CD9: variants seen among roughly 807,000 people sequenced by gnomAD.
The protein encoded by CD9 is CD9 molecule.
CD9 carries 10 observed loss-of-function variants against 31.4 expected under a neutral mutation model. The ratio of observed to expected loss-of-function variants is 0.32; its 90% CI spans 0.20 to 0.54. The LOEUF is 0.54. Ranked by LOEUF, CD9 falls within the 20% of genes least tolerant of loss-of-function variation. The pLI, the probability that CD9 is intolerant of heterozygous loss-of-function variation, is 0.94. For missense variants in CD9, 259 were observed against 300.1 expected (o/e 0.86, Z 1.01); for synonymous variants, 113 against 114.1 (o/e 0.99, Z 0.06).
chr12:6,227,486 C>T (rs2136628672), intron 2 of CD9, among the ~76,000 whole-genome samples: 1 of 152,326 alleles, frequency 6.6e-6, no homozygotes, highest in African/African-American at 2.4e-5. Context: ...GCGTGAGCCA[C>T]CTCGCCCGGC....
rs3181293 is a variant in CD9, at chr12:6,232,809, G to A, written c.273+80G>A. 411 of 927,040 alleles carry A rather than the reference G, an allele frequency of 4.4e-4. 1 individual carries two copies. The African/African-American group carries it at 6.3e-3, about 14-fold the overall frequency. The allele number at this position is 927,040 out of a possible 1,614,324, so 57.4% of individuals were successfully genotyped here. A position where few individuals can be genotyped will look rare whatever the true frequency, so the allele number is the denominator to read the frequency against. ...TCAGCAGGCCCAGACCCAGACCACA[G>A]AACAGATGGAGGGGGATGGGGTCAG... On this transcript the variant is annotated intron_variant, in intron 3 of 7. Coordinates refer to ENST00000009180, the MANE Select transcript of CD9 (RefSeq NM_001769.4). This position sits in a 1 kb window ranked among gnomAD's most constrained non-coding sequence, Gnocchi z 4.8.
chr12:6,213,377 C>G (rs1208572453), intron 1 of CD9, among the ~76,000 whole-genome samples: 1 of 152,246 alleles, frequency 6.6e-6, no homozygotes, highest in African/African-American at 2.4e-5. Context: ...ATAAAACACT[C>G]ATTTCTGAGA....
chr12:6,212,112 A>G (rs562384742), intron 1 of CD9, among the ~76,000 whole-genome samples: 46 of 152,292 alleles, frequency 3.0e-4, no homozygotes, highest in African/African-American at 9.9e-4. Flanking sequence ...GAGGGGACCA[A>G]GCTGTCTCCC....
chr12:6,210,403 G>T (rs1441046285), intron 1 of CD9, among the ~76,000 whole-genome samples: 1 of 152,202 alleles, frequency 6.6e-6, no homozygotes, highest in African/African-American at 2.4e-5. Context: ...TGGAACCAAG[G>T]GTGTGGCTGA....
At chr12:6,206,233 T>G (rs1946130426) in intron 1 of CD9, 1 of 151,566 alleles carries the variant, frequency 6.6e-6, no homozygotes, top group Non-Finnish European at 1.5e-5. Context: ...TTTTTTTTTT[T>G]GGAGACGGTG....
At chr12:6,225,191 C>T (rs1240011944) in intron 1 of CD9, 5 of 542,408 alleles carry the variant, frequency 9.2e-6, no homozygotes, top group East Asian at 9.1e-5. Flanking sequence ...CTATAAAATA[C>T]CCCTTCAGCC....
chr12:6,237,665 T>C (rs1946538366), intron 7 of CD9, 98 bp from the exon 8 acceptor site: 7 of 845,148 alleles, frequency 8.3e-6, no homozygotes, highest in Non-Finnish European at 1.2e-5. Flanking sequence ...ATTCTCCTTG[T>C]CATTTTTCTT....
intron 1 of CD9, among the ~76,000 whole-genome samples, chr12:6,208,356 T>C (rs558456271): frequency 6.6e-6 from 1 of 152,322 alleles, no homozygotes; most frequent in Admixed American, 6.5e-5. Context: ...GGAACTGAGC[T>C]TCACAGCTTC....
rs1012549819 is a variant in CD9, at chr12:6,236,083, C to T, written c.538-109C>T. ...ATCCCCGAACACTCCTGTCCCCAGC[C>T]CACCCTCTGCCCACCAGTTCTCCCG... On this transcript the variant is annotated intron_variant, in intron 6 of 7. Coordinates refer to ENST00000009180, the MANE Select transcript of CD9 (RefSeq NM_001769.4). 12 of 1,532,114 alleles carry T rather than the reference C, an allele frequency of 7.8e-6. No individual in the cohort carries two copies. In the African/African-American group the frequency reaches 1.4e-4, roughly 17 times the overall value. The allele number at this position is 1,532,114 out of a possible 1,614,324, so 94.9% of individuals were successfully genotyped here. A position where few individuals can be genotyped will look rare whatever the true frequency, so the allele number is the denominator to read the frequency against.
chr12:6,207,590 C>G (rs1019204567), intron 1 of CD9, among the ~76,000 whole-genome samples: 1 of 152,228 alleles, frequency 6.6e-6, no homozygotes, highest in Admixed American at 6.5e-5. Flanking sequence ...GAAAGGAGGT[C>G]TGTCTCTCTT....
intron 4 of CD9, chr12:6,234,207 C>G (rs1180301164): frequency 6.6e-6 from 1 of 151,782 alleles, no homozygotes; most frequent in Admixed American, 6.6e-5. Context: ...GTGGGGAGCC[C>G]TGCAGAGTTT....
rs1946458385 is a variant in CD9 at position 6,232,457 on chromosome 12, G to T, written c.176-175G>T. On this transcript the variant is annotated intron_variant, in intron 2 of 7. Transcript: ENST00000009180. This position sits in a 1 kb window ranked among gnomAD's most constrained non-coding sequence, Gnocchi z 4.8. ...AGAGGCTGGTGGGAAGGAGACCTGGGGCAGAGGTGGAAGAGGAGGCTGTAT... is the reference window on the plus strand; with the variant it reads ...AGAGGCTGGTGGGAAGGAGACCTGGTGCAGAGGTGGAAGAGGAGGCTGTAT... The T allele has an allele frequency of 7.8e-6, 5 of 640,702 alleles. No homozygotes were observed. The South Asian group carries it at 8.9e-5, about 11-fold the overall frequency. 39.7% of individuals were successfully genotyped at this position (640,702 alleles called of 1,614,324 possible). A position where few individuals can be genotyped will look rare whatever the true frequency, so the allele number is the denominator to read the frequency against.
rs1405338981 is a variant in CD9, at chr12:6,200,491, G to A, written c.-9G>A. 2 of 1,607,512 alleles carry A rather than the reference G, an allele frequency of 1.2e-6. No individual in the cohort carries two copies. Among genetic ancestry groups the A allele is most frequent in the African/African-American group, 1.3e-5 (1 of 74,716 alleles). On this transcript the variant is annotated 5_prime_UTR_variant, in exon 1 of 8. Coordinates refer to ENST00000009180, the MANE Select transcript of CD9 (RefSeq NM_001769.4). ...CACCCGTTCGGCCCAGGCTAAGTTA[G>A]CCCTCACCATGCCGGTCAAAGGAGG...
chr12:6,201,355 A>T (rs1440158334), intron 1 of CD9, among the ~76,000 whole-genome samples: 1 of 152,222 alleles, frequency 6.6e-6, no homozygotes, highest in East Asian at 1.9e-4. Context: ...CTCTAGTGGG[A>T]TGAGTCCTGT....
chr12:6,235,826 T>C (rs1946513285), intron 6 of CD9: 13 of 1,376,534 alleles, frequency 9.4e-6, no homozygotes, highest in Non-Finnish European at 1.2e-5. Flanking sequence ...AGGGCAGGCG[T>C]GCTTCTGAGT....
chr12:6,234,210 C>G (rs1946487219), intron 4 of CD9: 1 of 151,652 alleles, frequency 6.6e-6, no homozygotes, highest in Non-Finnish European at 1.5e-5. Flanking sequence ...GGGAGCCCTG[C>G]AGAGTTTTGG....
Position 6,232,300 on chromosome 12 carries a change from G to A in CD9, c.176-332G>A, listed in dbSNP as rs1946455634. The stretch of plus-strand genomic sequence containing the variant: ...TCTTGCTGGAAAGAGCTGACAGACT[G>A]GACCAGTTTGCATTCCGAATGTAGG... On this transcript the variant is annotated intron_variant, in intron 2 of 7. Transcript: ENST00000009180. The surrounding 1 kb of genome is among the most constrained non-coding windows in gnomAD (Gnocchi z 4.8). 2 of 404,158 alleles carry A rather than the reference G, an allele frequency of 4.9e-6. No homozygotes were observed. Among genetic ancestry groups the A allele is most frequent in the East Asian group, 1.1e-4 (2 of 17,584 alleles). 25.0% of individuals were successfully genotyped at this position (404,158 alleles called of 1,614,324 possible).
In CD9 at chr12:6,218,427, G is replaced by A. The variant is rs186374073; in HGVS notation, c.67-6999G>A. Among the ~76,000 whole-genome samples, 34 of 152,198 alleles carry A rather than the reference G, an allele frequency of 2.2e-4. No homozygotes were observed. The South Asian group carries it at 4.8e-3, about 21-fold the overall frequency. On this transcript the variant is annotated intron_variant, in intron 1 of 7. Coordinates refer to ENST00000009180, the MANE Select transcript of CD9 (RefSeq NM_001769.4). ...ATGCCCTCCCCCACACTGAAACCAC[G>A]TTCAACCCACTGCTCTTTTCCTCTT...
intron 1 of CD9, among the ~76,000 whole-genome samples, chr12:6,208,008 T>C (rs1373962649): frequency 6.6e-6 from 1 of 152,148 alleles, no homozygotes. Flanking sequence ...GCGGATCACC[T>C]GAGGTTGGGA....
Sources: gnomAD v4.1 joint callset for allele counts (sites outside exome capture counted in the v4.1 genomes callset) on GRCh38, gnomAD v4.1.1 for gene constraint, Gnocchi (gnomAD v3.1) non-coding constraint, MANE v1.5 for transcripts, NCBI Gene and HGNC (gene_info 2026-07-23, HGNC 2026-07-21) for gene names.